PIK3AP1: variants seen among roughly 807,000 people sequenced by gnomAD.
PIK3AP1 encodes the protein phosphoinositide 3-kinase adapter protein 1.
In PIK3AP1, 21 loss-of-function variants were observed where a neutral mutation model predicts 88.1. The observed-to-expected ratio is 0.24, with a 90% CI of 0.17 to 0.34. The LOEUF (loss-of-function observed/expected upper bound fraction) is 0.34. Ranked by LOEUF, PIK3AP1 falls within the 10% of genes least tolerant of loss-of-function variation. The pLI is 1.00. For synonymous variants in PIK3AP1, 398 were observed against 400.0 expected (o/e 1.00, Z 0.06); for missense variants, 828 against 1,035.7 (o/e 0.80, Z 2.75).
chr10:96,622,192 CT>C (rs1349850456), intron 11 of PIK3AP1, among the ~76,000 whole-genome samples: 1 of 152,256 alleles, frequency 6.6e-6, no homozygotes, highest in East Asian at 1.9e-4. Context: ...TAGGTGCTGG[CT>C]TCCAGCTGGC....
At chr10:96,689,156 A>G (rs1844116997) in intron 2 of PIK3AP1, among the ~76,000 whole-genome samples, 1 of 152,142 alleles carries the variant, frequency 6.6e-6, no homozygotes. Flanking sequence ...GACTCAGGCC[A>G]CTTCTCAGCC....
At chr10:96,628,906 ATGTG>A (rs201248056) in intron 8 of PIK3AP1, among the ~76,000 whole-genome samples, 2,251 of 12,816 alleles carry the variant, frequency 0.18, 202 homozygotes, top group Non-Finnish European at 0.24. Context: ...ATATATATAT[ATGTG>A]TATATATATA....
chr10:96,700,605 G>A (rs886693580), intron 2 of PIK3AP1, among the ~76,000 whole-genome samples: 2 of 152,246 alleles, frequency 1.3e-5, no homozygotes, highest in African/African-American at 2.4e-5. Flanking sequence ...TTCAGCAGGG[G>A]GTATTTAAGG....
At chr10:96,659,699 C>CAAA (rs1843660434) in intron 2 of PIK3AP1, among the ~76,000 whole-genome samples, 1 of 141,576 alleles carries the variant, frequency 7.1e-6, no homozygotes, top group African/African-American at 2.6e-5. Context: ...TCTGTCTCTA[C>CAAA]CAAAAAAAAA....
At chr10:96,603,925 T>C in intron 15 of PIK3AP1, 54 bp downstream of exon 15, 1 of 1,444,810 alleles carries the variant, frequency 6.9e-7, no homozygotes, top group Non-Finnish European at 9.4e-7. Flanking sequence ...TTCTATCTCT[T>C]GCGATGAAAC....
intron 8 of PIK3AP1, among the ~76,000 whole-genome samples, chr10:96,642,298 C>T (rs1000598364): frequency 6.6e-6 from 1 of 151,846 alleles, no homozygotes; most frequent in African/African-American, 2.4e-5. Context: ...TGGTGGTTCA[C>T]ACCTGTAGTC....
rs1339275074 is a variant in PIK3AP1, at chr10:96,682,009, TATATAGAG to T, written c.431-25083_431-25076del. ...ATATGTGTGTGTATATATATATATA[TATATAGAG>T]AGAGAGAGAGAGAGAGAGAAACAAG... On this transcript the variant is annotated intron_variant, in intron 2 of 16. Transcript: ENST00000339364. Among the ~76,000 whole-genome samples the T allele has an allele frequency of 8.7e-3, 1,119 of 128,710 alleles. 6 individuals carry two copies. The highest frequency in any genetic ancestry group is 0.025 in the African/African-American group (740 of 29,636). 84.4% of individuals were successfully genotyped at this position (128,710 alleles called of 152,430 possible). A position where few individuals can be genotyped will look rare whatever the true frequency, so the allele number is the denominator to read the frequency against.
At chr10:96,604,090 T>C (rs771534194) in intron 14 of PIK3AP1, 41 bp from the exon 15 acceptor site, 14 of 1,455,096 alleles carry the variant, frequency 9.6e-6, no homozygotes, top group Non-Finnish European at 1.3e-5. Context: ...GAGGATTCTT[T>C]CAGGCTAAAA....
chr10:96,655,649 G>A (rs143499575), intron 3 of PIK3AP1, among the ~76,000 whole-genome samples: 2 of 152,044 alleles, frequency 1.3e-5, no homozygotes, highest in Non-Finnish European at 2.9e-5. Flanking sequence ...ATTGAATTAT[G>A]GGGGGGCGGG....
chr10:96,710,918 G>A (rs1255739788), intron 1 of PIK3AP1, among the ~76,000 whole-genome samples: 2 of 152,190 alleles, frequency 1.3e-5, no homozygotes, highest in African/African-American at 2.4e-5. Flanking sequence ...GGTAGCTGGT[G>A]TCATCATCCT....
intron 2 of PIK3AP1, among the ~76,000 whole-genome samples, chr10:96,706,867 A>G (rs1476125494): frequency 6.6e-6 from 1 of 152,208 alleles, no homozygotes; most frequent in African/African-American, 2.4e-5. Context: ...AACCCAAGTC[A>G]TCCTAGCACC....
At chr10:96,623,410 A>G (rs1843113989) in intron 11 of PIK3AP1, 62 bp downstream of exon 11, 1 of 1,442,900 alleles carries the variant, frequency 6.9e-7, no homozygotes, top group Non-Finnish European at 9.7e-7. Context: ...TACACTTGGA[A>G]ATCACTGACC....
At position 96,661,797 on chromosome 10, in the gene PIK3AP1, C is replaced by CAGGAT. The variant is rs1267444578; in HGVS notation, c.431-4864_431-4863insATCCT. On this transcript the variant is annotated intron_variant, in intron 2 of 16. Coordinates refer to ENST00000339364, the MANE Select transcript of PIK3AP1 (RefSeq NM_152309.3). ...GAGAAAAGGAAAGGACAGGATAGGA[C>CAGGAT]AGGACAGGACAGGACAGGACAGGAC... 5.7e-5 allele frequency among the ~76,000 whole-genome samples: 3 copies of CAGGAT among 52,832 alleles called. No individual in the cohort carries two copies. In the Admixed American group the frequency reaches 5.7e-4, roughly 10 times the overall value. The allele number at this position is 52,832 out of a possible 152,430, so 34.7% of individuals were successfully genotyped here. A position where few individuals can be genotyped will look rare whatever the true frequency, so the allele number is the denominator to read the frequency against.
intron 8 of PIK3AP1, among the ~76,000 whole-genome samples, chr10:96,643,189 T>G (rs1259044983): frequency 6.6e-6 from 1 of 152,182 alleles, no homozygotes; most frequent in Non-Finnish European, 1.5e-5. Context: ...TTATCCAATA[T>G]CTGGAGCTGC....
At chr10:96,633,986 T>C (rs1017913148) in intron 8 of PIK3AP1, among the ~76,000 whole-genome samples, 7 of 152,288 alleles carry the variant, frequency 4.6e-5, no homozygotes, top group African/African-American at 1.4e-4. Context: ...GCAGGCTTCT[T>C]CCCTCCTTGG....
At chr10:96,711,661 A>G (rs1165349483) in intron 1 of PIK3AP1, among the ~76,000 whole-genome samples, 1 of 149,124 alleles carries the variant, frequency 6.7e-6, no homozygotes, top group Non-Finnish European at 1.5e-5. Context: ...CCAATCCACC[A>G]CTATATTCAA....
At chr10:96,695,718 A>G (rs1224392173) in intron 2 of PIK3AP1, among the ~76,000 whole-genome samples, 4 of 152,058 alleles carry the variant, frequency 2.6e-5, no homozygotes, top group Admixed American at 2.0e-4. Context: ...CCAAAACTCT[A>G]TAGATTGCCT....
chr10:96,676,650 TG>T (rs1383375321), intron 2 of PIK3AP1, among the ~76,000 whole-genome samples: 8 of 117,666 alleles, frequency 6.8e-5, no homozygotes, highest in South Asian at 2.6e-4. Context: ...GGGGATTTTC[TG>T]GGGTTTTTTT....
chr10:96,687,534 CTGCCCCTGTA>C (rs1304279218), intron 2 of PIK3AP1, among the ~76,000 whole-genome samples: 1 of 152,182 alleles, frequency 6.6e-6, no homozygotes, highest in African/African-American at 2.4e-5. Flanking sequence ...CCAAAATTAG[CTGCCCCTGTA>C]GACTATCATT....
Sources: gnomAD v4.1 joint callset for allele counts (sites outside exome capture counted in the v4.1 genomes callset) on GRCh38, gnomAD v4.1.1 for gene constraint, MANE v1.5 for transcripts, NCBI Gene and HGNC (gene_info 2026-07-23, HGNC 2026-07-21) for gene names.